The following ALDH1A2 variants were observed in gnomAD, a reference collection of about 807,000 sequenced individuals.
ALDH1A2 encodes aldehyde dehydrogenase 1 family member A2.
ALDH1A2 carries 27 observed loss-of-function variants against 60.3 expected under a neutral mutation model. The ratio of observed to expected loss-of-function variants is 0.45; its 90% CI spans 0.33 to 0.62. ALDH1A2 has a LOEUF of 0.62. ALDH1A2 is among the 20% of genes least tolerant of loss of function. ALDH1A2 has a pLI of 0.02. For synonymous variants in ALDH1A2, 289 were observed against 232.4 expected (o/e 1.24, Z -2.21); for missense variants, 581 against 643.8 (o/e 0.90, Z 1.06).
Position 57,965,224 on chromosome 15 carries a change from G to A in ALDH1A2, c.901+501C>T, listed in dbSNP as rs146045346. Among the ~76,000 whole-genome samples the A allele has an allele frequency of 4.8e-4, 73 of 152,288 alleles. No individual in the cohort carries two copies. In the East Asian group the frequency reaches 9.1e-3, roughly 19 times the overall value. ...GACTACTCATACCGAACTGACCCAC[G>A]TGTGCTGTCATCCTAACTGAAAGTC... On this transcript the variant is annotated intron_variant, in intron 8 of 12. Transcript: ENST00000249750.
chr15:58,014,194 C>G lies in ALDH1A2; in HGVS notation c.205G>C (p.Val69Leu), dbSNP rs566949896. Reference sequence around the variant, plus strand: ...AGACATACCTTGTCTGCTTCTTGAACTTCACACACCTGTTCTCCTGTGGCT... The same window carrying G: ...AGACATACCTTGTCTGCTTCTTGAAGTTCACACACCTGTTCTCCTGTGGCT... ...NPATGEQVCE[V>L]QEADKADIDK... The change falls in exon 2 of 13, where the codon GTT (valine) becomes CTT (leucine). Residue 69 changes from valine (V) to leucine (L), a missense_variant. Val to Leu is a conservative substitution (Grantham distance 32). This residue lies in a region of ALDH1A2 where 206 missense variants were observed against 174.1 expected (regional missense o/e 1.18). Coordinates refer to ENST00000249750, the MANE Select transcript of ALDH1A2 (RefSeq NM_003888.4). 3.1e-6 allele frequency: 5 copies of G among 1,614,130 alleles called. No individual in the cohort carries two copies. In the African/African-American group the frequency reaches 6.7e-5, roughly 22 times the overall value.
At chr15:57,976,064 T>C (rs1894245151) in intron 7 of ALDH1A2, among the ~76,000 whole-genome samples, 1 of 152,188 alleles carries the variant, frequency 6.6e-6, no homozygotes, top group Admixed American at 6.5e-5. Context: ...AATTATGCCA[T>C]ATATCTCTTT....
chr15:58,064,544 A>C (rs945034482), intron 1 of ALDH1A2, among the ~76,000 whole-genome samples: 3 of 152,234 alleles, frequency 2.0e-5, no homozygotes, highest in Non-Finnish European at 2.9e-5. Flanking sequence ...AACCATATGC[A>C]TGTGCGTCTA....
At chr15:57,992,684 C>A (rs777586107) in intron 7 of ALDH1A2, 21 bp downstream of exon 7, 5 of 1,606,926 alleles carry the variant, frequency 3.1e-6, no homozygotes, top group Non-Finnish European at 4.3e-6. Flanking sequence ...TTCCTCAAGC[C>A]CTGGTTTTTC....
At chr15:58,019,154 C>CA (rs1178851147) in intron 1 of ALDH1A2, among the ~76,000 whole-genome samples, 6 of 146,404 alleles carry the variant, frequency 4.1e-5, no homozygotes, top group African/African-American at 5.0e-5. Context: ...AAATGGAAAG[C>CA]AAAAAAAAAA....
chr15:57,962,877 GT>G (rs1266228064), intron 9 of ALDH1A2, among the ~76,000 whole-genome samples: 2 of 152,124 alleles, frequency 1.3e-5, no homozygotes, highest in Non-Finnish European at 2.9e-5. Flanking sequence ...ATAAGAGCTG[GT>G]CCAGGTTCCT....
rs144955827 is a variant in ALDH1A2, at chr15:58,043,326, A to C, written c.117+22208T>G. Among the ~76,000 whole-genome samples, 363 of 152,146 alleles carry C rather than the reference A, an allele frequency of 2.4e-3. 1 individual carries two copies. Among genetic ancestry groups the C allele is most frequent in the African/African-American group, 8.4e-3 (350 of 41,552 alleles). On this transcript the variant is annotated intron_variant, in intron 1 of 12. Transcript: ENST00000249750. Reference sequence around the variant, plus strand: ...TAATGGAAGATGTCATTTGTTATTAAATCTATTGCCATCCCTTACAACCCT... The same window carrying C: ...TAATGGAAGATGTCATTTGTTATTACATCTATTGCCATCCCTTACAACCCT...
intron 1 of ALDH1A2, among the ~76,000 whole-genome samples, chr15:58,062,446 T>C (rs1897064901): frequency 6.6e-6 from 1 of 152,180 alleles, no homozygotes; most frequent in Non-Finnish European, 1.5e-5. Flanking sequence ...TCAGGGGCGG[T>C]CAGTAAAGTG....
chr15:57,992,584 T>C, intron 7 of ALDH1A2, 121 bp downstream of exon 7: 1 of 880,970 alleles, frequency 1.1e-6, no homozygotes, highest in Non-Finnish European at 1.9e-6. Context: ...TTATCCTTTG[T>C]GGGCTTGGGT....
chr15:58,007,014 T>C (rs1374560438), intron 4 of ALDH1A2, among the ~76,000 whole-genome samples: 8 of 151,926 alleles, frequency 5.3e-5, no homozygotes, highest in Admixed American at 4.6e-4. Context: ...AATGCTGTAA[T>C]GTGCCTTACA....
At chr15:58,027,206 G>C (rs553713723) in intron 1 of ALDH1A2, among the ~76,000 whole-genome samples, 1 of 152,182 alleles carries the variant, frequency 6.6e-6, no homozygotes, top group Non-Finnish European at 1.5e-5. Flanking sequence ...AATATTTGCT[G>C]TTCTGCATTA....
At chr15:58,019,317 G>C (rs1421188149) in intron 1 of ALDH1A2, among the ~76,000 whole-genome samples, 1 of 152,080 alleles carries the variant, frequency 6.6e-6, no homozygotes, top group African/African-American at 2.4e-5. Context: ...CTCAAGCTCT[G>C]TCTTGAAACA....
At position 58,010,782 on chromosome 15, in the gene ALDH1A2, T is replaced by C. The variant is rs763812788; in HGVS notation, c.364-4A>G. On this transcript the variant is annotated splice_region_variant and splice_polypyrimidine_tract_variant and intron_variant, in intron 3 of 12. Transcript: ENST00000249750. ...CACCATTTAGGGATTCCATGGTCTGTTGGAAGAGAAATGGAGAGATACTAA... is the reference window on the plus strand; with the variant it reads ...CACCATTTAGGGATTCCATGGTCTGCTGGAAGAGAAATGGAGAGATACTAA... The C allele has an allele frequency of 1.9e-6, 3 of 1,613,004 alleles. No homozygotes were observed. Among genetic ancestry groups the C allele is most frequent in the Admixed American group, 3.3e-5 (2 of 59,958 alleles).
chr15:58,031,446 T>C (rs966450178), intron 1 of ALDH1A2, among the ~76,000 whole-genome samples: 3 of 152,108 alleles, frequency 2.0e-5, no homozygotes, highest in Middle Eastern at 3.2e-3. Context: ...ATTCAGGACA[T>C]AGGCATGGGA....
At chr15:57,982,005 G>C (rs970234859) in intron 7 of ALDH1A2, among the ~76,000 whole-genome samples, 9 of 152,124 alleles carry the variant, frequency 5.9e-5, no homozygotes, top group African/African-American at 1.9e-4. Flanking sequence ...AGCAAGAGAC[G>C]ACAAGACAGC....
At chr15:57,971,238 C>G (rs760921430) in intron 7 of ALDH1A2, among the ~76,000 whole-genome samples, 8 of 152,164 alleles carry the variant, frequency 5.3e-5, no homozygotes, top group Admixed American at 1.3e-4. Flanking sequence ...CCCTTGCTTA[C>G]TTGATAAACT....
chr15:58,031,013 AAGAACTGGAAAAAACTAAAGTTCACAT>A (rs1896224032), intron 1 of ALDH1A2, among the ~76,000 whole-genome samples: 1 of 152,160 alleles, frequency 6.6e-6, no homozygotes, highest in Non-Finnish European at 1.5e-5. Flanking sequence ...ACTTTCTTCA[AAGAACTGGAAAAAACTAAAGTTCACAT>A]AGAACCAAAA....
intron 7 of ALDH1A2, among the ~76,000 whole-genome samples, chr15:57,985,722 A>G (rs1894677732): frequency 6.6e-6 from 1 of 152,176 alleles, no homozygotes; most frequent in Admixed American, 6.5e-5. Flanking sequence ...ATACTATTTG[A>G]GGTACTGAGA....
intron 3 of ALDH1A2, among the ~76,000 whole-genome samples, chr15:58,013,054 A>T (rs1216083847): frequency 6.6e-6 from 1 of 152,208 alleles, no homozygotes; most frequent in Non-Finnish European, 1.5e-5. Context: ...GGGCAGGAGA[A>T]GTTCGTTATG....
Sources: allele counts gnomAD v4.1 joint callset (sites outside exome capture counted in the v4.1 genomes callset), GRCh38; gene constraint gnomAD v4.1.1; regional missense constraint gnomAD v4.1.1; transcripts MANE v1.5; gene names NCBI Gene and HGNC (gene_info 2026-07-23, HGNC 2026-07-21).